The following CCDC171 variants were observed in gnomAD, a reference collection of about 807,000 sequenced individuals.
CCDC171 encodes coiled-coil domain-containing protein 171.
A neutral mutation model predicts 168.2 loss-of-function variants in CCDC171; 177 were observed. The ratio of observed to expected loss-of-function variants is 1.05; its 90% confidence interval spans 0.93 to 1.19. CCDC171 has a LOEUF of 1.19. Among genes scored for constraint, CCDC171 ranks in the 50% most tolerant of loss-of-function variants. CCDC171 has a pLI of 0.00. For missense variants in CCDC171, 1,991 were observed against 1,539.0 expected, an observed-to-expected ratio of 1.29 and a Z score of -4.91; for synonymous variants, 687 against 540.8, an observed-to-expected ratio of 1.27 and a Z score of -3.75.
At chr9:16,041,552 G>A (rs548686494), upstream of CCDC171, among the ~76,000 whole-genome samples, 86 of 152,210 alleles carry the variant, frequency 5.7e-4, no homozygotes, top group Non-Finnish European at 9.1e-4. Flanking sequence ...AGGTGTCTGA[G>A]GTTCAGGATT....
intron 24 of CCDC171, among the ~76,000 whole-genome samples, chr9:15,907,583 A>T (rs1260978843): frequency 6.6e-6 from 1 of 152,248 alleles, no homozygotes. Context: ...ATTACCATTC[A>T]GGACATAGGC....
At chr9:16,062,608 A>G (rs1833946309), downstream of CCDC171, among the ~76,000 whole-genome samples, 1 of 152,224 alleles carries the variant, frequency 6.6e-6, no homozygotes, top group Non-Finnish European at 1.5e-5. Context: ...TCATTCATCC[A>G]TTCATTCATT....
intron 10 of CCDC171, among the ~76,000 whole-genome samples, chr9:15,692,672 C>T (rs1166784006): frequency 6.6e-6 from 1 of 151,332 alleles, no homozygotes; most frequent in Non-Finnish European, 1.5e-5. Flanking sequence ...GGACTACAGG[C>T]GCCCGCCACC....
At chr9:15,736,171 T>G (rs1381154611) in intron 16 of CCDC171, among the ~76,000 whole-genome samples, 1 of 152,176 alleles carries the variant, frequency 6.6e-6, no homozygotes, top group African/African-American at 2.4e-5. Context: ...TGCTTGGCAT[T>G]TAGAAATTAC....
At chr9:15,891,443 G>C (rs1184165403) in intron 24 of CCDC171, among the ~76,000 whole-genome samples, 2 of 152,062 alleles carry the variant, frequency 1.3e-5, no homozygotes, top group Admixed American at 1.3e-4. Flanking sequence ...ATGTGTCTTT[G>C]GTCCATTGTC....
At position 15,623,253 on chromosome 9, in the gene CCDC171, G is replaced by T; in HGVS notation, c.676-14G>T. On this transcript the variant is annotated splice_polypyrimidine_tract_variant and intron_variant, in intron 6 of 25. Coordinates refer to ENST00000380701, the MANE Select transcript of CCDC171 (RefSeq NM_173550.4). ...TTATAAACTTTATTGATGCAAAAAT[G>T]AATTATTTTCCAGGAGCAAGATACT... 6.5e-7 allele frequency: 1 copy of T among 1,541,636 alleles called. No homozygotes were observed. Among genetic ancestry groups the T allele is most frequent in the South Asian group, 1.3e-5 (1 of 77,938 alleles).
chr9:15,903,739 A>C (rs1365816263), intron 24 of CCDC171, among the ~76,000 whole-genome samples: 2 of 152,218 alleles, frequency 1.3e-5, no homozygotes, highest in Non-Finnish European at 2.9e-5. Flanking sequence ...GAGCTAAAGG[A>C]GGAAGTTCGA....
In CCDC171 at chr9:15,921,248, C is replaced by T. The variant is rs998957100; in HGVS notation, c.3753+826C>T. Among the ~76,000 whole-genome samples, 24 of 151,780 alleles carry T rather than the reference C, an allele frequency of 1.6e-4. 1 individual carries two copies. Among genetic ancestry groups the T allele is most frequent in the East Asian group, 9.7e-4 (5 of 5,152 alleles). ...GAGTTAGCATTAAAACAAATAGATG[C>T]ATGGCTGTGGTCTGATTCCTCACCT... On this transcript the variant is annotated intron_variant, in intron 25 of 25. Transcript: ENST00000380701.
intron 4 of CCDC171, among the ~76,000 whole-genome samples, chr9:15,590,801 C>A (rs1406375322): frequency 3.5e-5 from 5 of 141,962 alleles, no homozygotes; most frequent in African/African-American, 1.3e-4. Context: ...TTCTTTCTTT[C>A]TTTCTTTCTT....
chr9:15,899,032 G>T (rs1294048550), intron 24 of CCDC171, among the ~76,000 whole-genome samples: 1 of 152,092 alleles, frequency 6.6e-6, no homozygotes, highest in Non-Finnish European at 1.5e-5. Flanking sequence ...CTATAAGTTT[G>T]TCATTTCAAT....
At chr9:15,750,753 A>G (rs2055674706) in intron 18 of CCDC171, among the ~76,000 whole-genome samples, 1 of 152,192 alleles carries the variant, frequency 6.6e-6, no homozygotes, top group Non-Finnish European at 1.5e-5. Flanking sequence ...AACTCTCAAT[A>G]AACTAGGTAT....
intron 24 of CCDC171, among the ~76,000 whole-genome samples, chr9:15,908,904 C>T (rs575180783): frequency 7.9e-5 from 12 of 152,224 alleles, no homozygotes; most frequent in East Asian, 7.7e-4. Flanking sequence ...CACCAGGTCC[C>T]GCTTCCAGCA....
At chr9:15,809,174 A>T (rs970788687) in intron 21 of CCDC171, among the ~76,000 whole-genome samples, 1 of 152,166 alleles carries the variant, frequency 6.6e-6, no homozygotes. Flanking sequence ...GCAAGTGGGT[A>T]TTGGAGTTAG....
At chr9:15,778,258 C>A (rs1054466680) in intron 19 of CCDC171, among the ~76,000 whole-genome samples, 3 of 133,602 alleles carry the variant, frequency 2.2e-5, no homozygotes, top group African/African-American at 8.4e-5. Context: ...GATTGCGCCA[C>A]TGCAGTCCGC....
chr9:15,709,011 C>G (rs1375016284), intron 11 of CCDC171, among the ~76,000 whole-genome samples: 1 of 151,714 alleles, frequency 6.6e-6, no homozygotes, highest in African/African-American at 2.4e-5. Context: ...TTGTGAAAAA[C>G]TAAGCACCAC....
At chr9:15,747,227 A>C (rs1239321681) in intron 18 of CCDC171, among the ~76,000 whole-genome samples, 1 of 152,228 alleles carries the variant, frequency 6.6e-6, no homozygotes, top group Admixed American at 6.5e-5. Flanking sequence ...GGCATATCTG[A>C]TCAAAAGGCA....
At chr9:16,079,829 C>G in the CCDC171 span, among the ~76,000 whole-genome samples, 8 of 152,204 alleles carry the variant, frequency 5.3e-5, no homozygotes, top group African/African-American at 9.7e-5. Context: ...TACAATTTAG[C>G]AGGCACTGTC....
chr9:15,763,918 C>T (rs751981837), intron 18 of CCDC171, among the ~76,000 whole-genome samples: 39 of 151,848 alleles, frequency 2.6e-4, no homozygotes, highest in Non-Finnish European at 4.1e-4. Context: ...TTATTTCCTT[C>T]GAGTAGGTAC....
At chr9:15,944,368 G>A (rs996591689) in intron 25 of CCDC171, among the ~76,000 whole-genome samples, 1 of 151,924 alleles carries the variant, frequency 6.6e-6, no homozygotes, top group Non-Finnish European at 1.5e-5. Flanking sequence ...AGGACTTGTC[G>A]ATATATAGTT....
Sources: gnomAD v4.1 joint callset for allele counts (sites outside exome capture counted in the v4.1 genomes callset) on GRCh38, gnomAD v4.1.1 for gene constraint, MANE v1.5 for transcripts, NCBI Gene and HGNC (gene_info 2026-07-23, HGNC 2026-07-21) for gene names.